The following RAPGEF2 variants were observed in gnomAD, a reference collection of about 807,000 sequenced individuals.
RAPGEF2 encodes PDZ domain containing guanine nucleotide exchange factor (GEF) 1.
RAPGEF2 carries 54 observed loss-of-function variants against 186.7 expected under a neutral mutation model. The observed-to-expected ratio is 0.29, with a 90% confidence interval of 0.23 to 0.36. The LOEUF is 0.36. Among genes scored for constraint, RAPGEF2 ranks in the 10% least tolerant of loss-of-function variants. The probability of loss-of-function intolerance (pLI) is 1.00; values close to 1 mark genes in which losing one functional copy is unlikely to be tolerated. For missense variants in RAPGEF2, 1,532 were observed against 2,045.0 expected, an observed-to-expected ratio of 0.75 and a Z score of 4.84; for synonymous variants, 712 against 705.9, an observed-to-expected ratio of 1.01 and a Z score of -0.14.
At chr4:159,178,280 A>C (rs1263000891) in intron 1 of RAPGEF2, among the ~76,000 whole-genome samples, 1 of 152,176 alleles carries the variant, frequency 6.6e-6, no homozygotes, top group Non-Finnish European at 1.5e-5. Context: ...GAGGGATTGC[A>C]CCAGCATATG....
In RAPGEF2 at chr4:159,343,311, A is replaced by G. The variant is rs763914960; in HGVS notation, c.3161A>G (p.Asn1054Ser). 1.9e-6 allele frequency: 3 copies of G among 1,614,112 alleles called. No individual in the cohort carries two copies. Among genetic ancestry groups the G allele is most frequent in the Admixed American group, 1.7e-5 (1 of 60,030 alleles). Residue 1054 changes from asparagine to serine, a missense_variant, in exon 22 of 30, where the codon AAT becomes AGT. This residue lies in a region of RAPGEF2 where 117 missense variants were observed against 180.8 expected (regional missense o/e 0.65). Coordinates refer to ENST00000691494, the MANE Select transcript of RAPGEF2 (RefSeq NM_001394067.2). ...GNDSKVDGLV[N>S]FEKLRMIAKE... Reference sequence around the variant, plus strand: ...GACTCAAAAGTAGACGGGCTGGTCAATTTTGAGAAGCTAAGGATGATTGCA... The same window carrying G: ...GACTCAAAAGTAGACGGGCTGGTCAGTTTTGAGAAGCTAAGGATGATTGCA...
intron 7 of RAPGEF2, among the ~76,000 whole-genome samples, chr4:159,293,625 G>A (rs183163054): frequency 7.4e-4 from 113 of 152,340 alleles, no homozygotes; most frequent in Non-Finnish European, 1.4e-3. Flanking sequence ...AATGATCCTA[G>A]TATTTGTTTA....
At chr4:159,166,142 A>G (rs6536396) in intron 1 of RAPGEF2, among the ~76,000 whole-genome samples, 94,884 of 151,738 alleles carry the variant, frequency 0.63, 30,444 homozygotes, top group African/African-American at 0.78. Flanking sequence ...ACAAAACCCC[A>G]TCTCTACTAA....
chr4:159,213,416 A>G (rs765212471), intron 4 of RAPGEF2, among the ~76,000 whole-genome samples: 125 of 152,238 alleles, frequency 8.2e-4, no homozygotes, highest in Non-Finnish European at 1.7e-3. Context: ...TCAGTATATA[A>G]TAAGTCAACC....
chr4:159,346,761 T>G (rs1364463118), intron 24 of RAPGEF2, 28 bp from the exon 25 acceptor site: 2 of 1,588,222 alleles, frequency 1.3e-6, no homozygotes, highest in African/African-American at 2.7e-5. Context: ...AATTCTTTGT[T>G]CTATTTTCAA....
intron 8 of RAPGEF2, among the ~76,000 whole-genome samples, chr4:159,308,811 G>A (rs1369831294): frequency 6.6e-6 from 1 of 152,176 alleles, no homozygotes; most frequent in African/African-American, 2.4e-5. Context: ...TTTGGGAGTT[G>A]TGGGAGTTCC....
chr4:159,353,110 T>G lies in RAPGEF2; in HGVS notation c.4091+200T>G, dbSNP rs1731436975. 6.6e-6 allele frequency among the ~76,000 whole-genome samples: 1 copy of G among 152,220 alleles called. No individual in the cohort carries two copies. The highest frequency in any genetic ancestry group is 1.5e-5 in the Non-Finnish European group (1 of 68,034). ...AGCAGACTGCTTTTTTAGTTAAGTT[T>G]ATTCTTCATTGGAACACAGTTGTTC... On this transcript the variant is annotated intron_variant, in intron 27 of 29. Coordinates refer to ENST00000691494, the MANE Select transcript of RAPGEF2 (RefSeq NM_001394067.2). The surrounding 1 kb of genome is among the most constrained non-coding windows in gnomAD (Gnocchi z 4.3).
chr4:159,159,172 C>T lies in RAPGEF2; in HGVS notation c.70-27470C>T, dbSNP rs191674013. ...CCTCTGCCACCTCTGTGGTTTGCAGCGCCCGTCCACAGTGTCTCCCTCAGC... is the reference window on the plus strand; with the variant it reads ...CCTCTGCCACCTCTGTGGTTTGCAGTGCCCGTCCACAGTGTCTCCCTCAGC... On this transcript the variant is annotated intron_variant, in intron 1 of 29. Transcript: ENST00000691494. 2.1e-3 allele frequency among the ~76,000 whole-genome samples: 314 copies of T among 152,284 alleles called. 2 individuals are homozygous for T. Among genetic ancestry groups the T allele is most frequent in the Non-Finnish European group, 2.3e-3 (156 of 68,022 alleles).
chr4:159,110,345 T>C (rs534570845), intron 1 of RAPGEF2, among the ~76,000 whole-genome samples: 72 of 152,322 alleles, frequency 4.7e-4, no homozygotes, highest in Non-Finnish European at 7.2e-4. Flanking sequence ...CCTAGCACTT[T>C]AGGAGGCTGA....
At chr4:159,171,386 A>G (rs1055439821) in intron 1 of RAPGEF2, among the ~76,000 whole-genome samples, 4 of 152,098 alleles carry the variant, frequency 2.6e-5, no homozygotes, top group Admixed American at 6.6e-5. Flanking sequence ...TATTATTCCT[A>G]TTTTACGGGT....
At chr4:159,324,284 TC>T (rs1349693493) in intron 11 of RAPGEF2, among the ~76,000 whole-genome samples, 1 of 152,126 alleles carries the variant, frequency 6.6e-6, no homozygotes, top group Non-Finnish European at 1.5e-5. Context: ...CACCTCAGCC[TC>T]CCAAAGTGCT....
At chr4:159,110,776 C>T (rs1464126605) in intron 1 of RAPGEF2, among the ~76,000 whole-genome samples, 3 of 152,088 alleles carry the variant, frequency 2.0e-5, no homozygotes, top group Non-Finnish European at 4.4e-5. Flanking sequence ...GGCATTGAGT[C>T]TTTGAGAACA....
rs954591888 is a variant in RAPGEF2, at chr4:159,346,390, A to G, written c.3503-399A>G. On this transcript the variant is annotated intron_variant, in intron 24 of 29. Coordinates refer to ENST00000691494, the MANE Select transcript of RAPGEF2 (RefSeq NM_001394067.2). The stretch of plus-strand genomic sequence containing the variant: ...TATTAAATAAAAACTTAGCACATAC[A>G]TGTCAAACAATTTGGGACACCGTTT... Among the ~76,000 whole-genome samples the G allele has an allele frequency of 8.5e-5, 13 of 152,368 alleles. No individual in the cohort carries two copies. In the East Asian group the frequency reaches 2.5e-3, roughly 29 times the overall value.
intron 7 of RAPGEF2, among the ~76,000 whole-genome samples, chr4:159,257,019 T>G (rs80295574): frequency 9.1e-4 from 138 of 152,346 alleles, no homozygotes; most frequent in African/African-American, 2.9e-3. Flanking sequence ...TAGTCTCTTT[T>G]GCTGTGCAGA....
At chr4:159,342,854 C>T in intron 20 of RAPGEF2, 125 bp from the exon 21 acceptor site, 5 of 889,494 alleles carry the variant, frequency 5.6e-6, no homozygotes, top group East Asian at 2.6e-5. Context: ...TGAACAGTTT[C>T]TTATGCAGCC....
intron 4 of RAPGEF2, among the ~76,000 whole-genome samples, chr4:159,226,210 T>C (rs1446959740): frequency 1.3e-5 from 2 of 152,190 alleles, no homozygotes; most frequent in South Asian, 4.1e-4. Flanking sequence ...GATATTCAGT[T>C]GTTCTAGAAG....
At chr4:159,331,401 G>T in intron 13 of RAPGEF2, 30 bp from the exon 14 acceptor site, 1 of 1,432,702 alleles carries the variant, frequency 7.0e-7, no homozygotes, top group Non-Finnish European at 9.6e-7. Flanking sequence ...CACTAAAAAG[G>T]AAACTTATTG....
chr4:159,319,015 G>A (rs571211579), intron 9 of RAPGEF2, among the ~76,000 whole-genome samples: 4 of 152,256 alleles, frequency 2.6e-5, no homozygotes, highest in African/African-American at 9.6e-5. Context: ...AAATTGTCCT[G>A]TTTCTCCCAT....
At chr4:159,296,691 C>T (rs946347121) in intron 7 of RAPGEF2, among the ~76,000 whole-genome samples, 57 of 152,290 alleles carry the variant, frequency 3.7e-4, no homozygotes, top group African/African-American at 1.3e-3. Context: ...AGAGTAGGGC[C>T]TGTCACATAG....
Sources: allele counts gnomAD v4.1 joint callset (sites outside exome capture counted in the v4.1 genomes callset), GRCh38; gene constraint gnomAD v4.1.1; regional missense constraint gnomAD v4.1.1; non-coding constraint Gnocchi (gnomAD v3.1); transcripts MANE v1.5; gene names NCBI Gene and HGNC (gene_info 2026-07-23, HGNC 2026-07-21).